Variants in STRADB observed in about 807,000 individuals in gnomAD.
STRADB encodes STE20 related adaptor beta.
Under a neutral mutation model 52.1 loss-of-function variants are expected in STRADB, and 34 were observed. That is an observed-to-expected ratio of 0.65 (90% confidence interval 0.50 to 0.87). STRADB has a LOEUF of 0.87. STRADB is among the 40% of genes least tolerant of loss of function. The probability of loss-of-function intolerance (pLI) is 0.00; values close to 1 mark genes in which losing one functional copy is unlikely to be tolerated. For synonymous variants in STRADB, 133 were observed against 174.5 expected (o/e 0.76, Z 1.87); for missense variants, 340 against 483.9 (o/e 0.70, Z 2.79).
At chr2:201,457,878 G>T (rs1053816708) in intron 2 of STRADB, among the ~76,000 whole-genome samples, 2 of 152,080 alleles carry the variant, frequency 1.3e-5, no homozygotes, top group Admixed American at 6.5e-5. Context: ...ACAAAAATTA[G>T]CGGGGCGTGG....
At chr2:201,465,803 C>T (rs1254335761) in intron 3 of STRADB, among the ~76,000 whole-genome samples, 2 of 152,198 alleles carry the variant, frequency 1.3e-5, no homozygotes. Flanking sequence ...TGGGTGATTC[C>T]CCTCTGGCTA....
chr2:201,459,205 A>G (rs1215565930), intron 3 of STRADB, among the ~76,000 whole-genome samples: 2 of 151,906 alleles, frequency 1.3e-5, no homozygotes, highest in African/African-American at 2.4e-5. Flanking sequence ...ACCTGTTCCT[A>G]TGACTTCAGT....
At position 201,471,860 on chromosome 2, in the gene STRADB, GC is replaced by G. The variant is rs562750372; in HGVS notation, c.194-1092del. ...AGTTCCCTCAGTAATTCTGGTGTGT[GC>G]CCTGGCTGAGAATTCAGGGCATATG... is the stretch of plus-strand genomic sequence containing the variant. On this transcript the variant is annotated intron_variant, in intron 4 of 11. Transcript: ENST00000194530. Among the ~76,000 whole-genome samples, 4 of 152,308 alleles carry G rather than the reference GC, an allele frequency of 2.6e-5. 1 individual carries two copies. In the South Asian group the frequency reaches 6.2e-4, roughly 24 times the overall value.
In STRADB at chr2:201,472,831, G is replaced by A. The variant is rs576306728; in HGVS notation, c.194-124G>A. On this transcript the variant is annotated intron_variant, in intron 4 of 11. Transcript: ENST00000194530. Reference sequence around the variant, plus strand: ...GTATTATTAATACTTTGAATCAGTAGTGTGCCTTTTCATTTTCTTAACAGT... The same window carrying A: ...GTATTATTAATACTTTGAATCAGTAATGTGCCTTTTCATTTTCTTAACAGT... The A allele has an allele frequency of 1.4e-4, 128 of 893,818 alleles. No individual in the cohort carries two copies. In the African/African-American group the frequency reaches 1.9e-3, roughly 14 times the overall value. The allele number at this position is 893,818 out of a possible 1,614,324, so 55.4% of individuals were successfully genotyped here. A position where few individuals can be genotyped will look rare whatever the true frequency, so the allele number is the denominator to read the frequency against.
At chr2:201,452,264 C>G (rs1952056141) in intron 1 of STRADB, among the ~76,000 whole-genome samples, 1 of 152,156 alleles carries the variant, frequency 6.6e-6, no homozygotes, top group African/African-American at 2.4e-5. Flanking sequence ...CCCCGCACCC[C>G]TCACCTTTGG....
Position 201,480,163 on chromosome 2 carries a change from C to T in STRADB, c.1245C>T (p.Tyr415=), listed in dbSNP as rs146098224. ...ECDFPDEKDS[Y]WEF is the part of the protein sequence containing the mutation. ...ATTTTCCTGATGAAAAAGACTCATA[C>T]TGGGAATTCTAGGGCTGCCAAATCA... Residue 415 remains tyrosine (Y), a synonymous_variant, in exon 12 of 12, where the codon TAC becomes TAT. Coordinates refer to ENST00000194530, the MANE Select transcript of STRADB (RefSeq NM_018571.6). 1 of 1,613,730 alleles carries T rather than the reference C, an allele frequency of 6.2e-7. No homozygotes were observed. Among genetic ancestry groups the T allele is most frequent in the Non-Finnish European group, 8.5e-7 (1 of 1,179,734 alleles).
chr2:201,455,024 CT>C (rs759116774), intron 2 of STRADB, among the ~76,000 whole-genome samples, 172 bp downstream of exon 2: 45 of 152,170 alleles, frequency 3.0e-4, no homozygotes, highest in Non-Finnish European at 5.9e-4. Context: ...TTGAGTTTTT[CT>C]TTCTTTCATA....
Position 201,477,774 on chromosome 2 carries a change from C to A in STRADB, c.704C>A (p.Pro235Gln), listed in dbSNP as rs778783913. Reference protein sequence around the residue: ...FSTSVQPWLSPELLRQDLHGY... With the variant: ...FSTSVQPWLSQELLRQDLHGY... ...ACATCAGTGCAGCCGTGGCTGAGTC[C>A]AGAACTACTGAGACAGGTCAGGTGT... Residue 235 changes from proline to glutamine, a missense_variant, in exon 8 of 12, where the codon CCA becomes CAA. Physicochemically the swap from Pro to Gln is moderately conservative, Grantham distance 76 (BLOSUM62 -1). Transcript: ENST00000194530. 6.2e-7 allele frequency: 1 copy of A among 1,612,702 alleles called. No homozygotes were observed. The highest frequency in any genetic ancestry group is 2.2e-5 in the East Asian group (1 of 44,834).
chr2:201,472,883 T>C (rs1952412520), intron 4 of STRADB, 72 bp from the exon 5 acceptor site: 1 of 1,477,396 alleles, frequency 6.8e-7, no homozygotes, highest in Admixed American at 2.3e-5. Context: ...GACTTTTCAA[T>C]TTTGATGATG....
chr2:201,459,963 T>A (rs1426820444), intron 3 of STRADB, among the ~76,000 whole-genome samples: 1 of 152,208 alleles, frequency 6.6e-6, no homozygotes, highest in Non-Finnish European at 1.5e-5. Context: ...TCTGCTCCCG[T>A]GTATCTTAGA....
At position 201,470,028 on chromosome 2, in the gene STRADB, C is replaced by G; in HGVS notation, c.169C>G (p.His57Asp). The change falls in exon 4 of 12, where the codon CAC becomes GAC. Residue 57 changes from histidine (H) to aspartate (D), a missense_variant. Transcript: ENST00000194530. Reference sequence around the variant, plus strand: ...AGTACTATGTTCCACCAACGTTTCTCACTATGAGCTCCAAGTAGAAATAGG... The same window carrying G: ...AGTACTATGTTCCACCAACGTTTCTGACTATGAGCTCCAAGTAGAAATAGG... ...SEVLCSTNVS[H>D]YELQVEIGRG... is the part of the protein sequence containing the mutation. The G allele has an allele frequency of 6.2e-7, 1 of 1,613,682 alleles. No individual in the cohort carries two copies. The highest frequency in any genetic ancestry group is 8.5e-7 in the Non-Finnish European group (1 of 1,179,588).
intron 4 of STRADB, among the ~76,000 whole-genome samples, chr2:201,472,020 GGA>G (rs1355408675): frequency 1.3e-5 from 2 of 152,194 alleles, no homozygotes. Flanking sequence ...TGGTGACCAT[GGA>G]GAGAGGGAGG....
intron 8 of STRADB, 79 bp from the exon 9 acceptor site, chr2:201,478,008 T>G: frequency 7.5e-7 from 1 of 1,328,724 alleles, no homozygotes; most frequent in Non-Finnish European, 1.0e-6. Context: ...TTCACCATTC[T>G]TTATCAAAAA....
At position 201,474,452 on chromosome 2, in the gene STRADB, G is replaced by A. The variant is rs550007385; in HGVS notation, c.316-195G>A. Among the ~76,000 whole-genome samples the A allele has an allele frequency of 8.4e-4, 128 of 152,214 alleles. No homozygotes were observed. In the Middle Eastern group the frequency reaches 0.014, roughly 16 times the overall value. On this transcript the variant is annotated intron_variant, in intron 5 of 11. Coordinates refer to ENST00000194530, the MANE Select transcript of STRADB (RefSeq NM_018571.6). ...CAGGTTTTCTAACTTATTTTTAAGT[G>A]TTGTCTTCTGAAAAATGGGAATCAT...
chr2:201,476,661 G>A lies in STRADB; in HGVS notation c.548+919G>A, dbSNP rs142062826. Reference sequence around the variant, plus strand: ...TTTTTTTTTAGATAGCTTATTAGGTGTTTTGTAACAGCATTCAAAAATAGT... The same window carrying A: ...TTTTTTTTTAGATAGCTTATTAGGTATTTTGTAACAGCATTCAAAAATAGT... On this transcript the variant is annotated intron_variant, in intron 7 of 11. Transcript: ENST00000194530. 6.1e-3 allele frequency among the ~76,000 whole-genome samples: 920 copies of A among 151,708 alleles called. 3 individuals are homozygous for A. Among genetic ancestry groups the A allele is most frequent in the Non-Finnish European group, 9.0e-3 (611 of 67,880 alleles).
chr2:201,465,366 C>T (rs1162365539), intron 3 of STRADB, among the ~76,000 whole-genome samples: 1 of 152,154 alleles, frequency 6.6e-6, no homozygotes, highest in Non-Finnish European at 1.5e-5. Flanking sequence ...TCCCTTCTGG[C>T]CCAGGGTGTG....
At chr2:201,452,174 A>C in intron 1 of STRADB, among the ~76,000 whole-genome samples, 1 of 151,824 alleles carries the variant, frequency 6.6e-6, no homozygotes, top group East Asian at 1.9e-4. Context: ...GCGGGTTCGC[A>C]GCCCGCCCAG....
chr2:201,459,245 C>A (rs1952175855), intron 3 of STRADB, among the ~76,000 whole-genome samples: 1 of 152,096 alleles, frequency 6.6e-6, no homozygotes, highest in Non-Finnish European at 1.5e-5. Context: ...CCTGGAGTTA[C>A]CACAGGTTTC....
intron 4 of STRADB, among the ~76,000 whole-genome samples, chr2:201,471,835 A>G (rs1574290330): frequency 1.3e-5 from 2 of 152,328 alleles, no homozygotes; most frequent in East Asian, 3.9e-4. Context: ...ATTTTGCAGT[A>G]GTTCCCTCAG....
Sources: allele counts gnomAD v4.1 joint callset (sites outside exome capture counted in the v4.1 genomes callset), GRCh38; gene constraint gnomAD v4.1.1; transcripts MANE v1.5; gene names NCBI Gene and HGNC (gene_info 2026-07-23, HGNC 2026-07-21).